The following DNAH14 variants were observed in gnomAD, a reference collection of about 807,000 sequenced individuals.
DNAH14 encodes the protein dynein axonemal heavy chain 14.
Under a neutral mutation model 520.9 loss-of-function variants are expected in DNAH14, and 478 were observed. The observed-to-expected ratio is 0.92, with a 90% CI of 0.85 to 0.99. The LOEUF (loss-of-function observed/expected upper bound fraction) is 0.99, where lower values mean the gene tolerates loss of function less well. Among genes scored for constraint, DNAH14 ranks in the 50% least tolerant of loss-of-function variants. DNAH14 has a pLI of 0.00. For missense variants in DNAH14, 4,831 were observed against 5,234.5 expected (o/e 0.92, Z 2.38); for synonymous variants, 1,581 against 1,757.2 (o/e 0.90, Z 2.51).
chr1:225,085,399 T>A lies in DNAH14; in HGVS notation c.3328-145T>A. On this transcript the variant is annotated intron_variant, in intron 20 of 85. Transcript: ENST00000682510. ...TGTCATGAAGGTTAGACCATGAAGT[T>A]GCTGGTAAGGATATAAACCTAACTG... is the stretch of plus-strand genomic sequence containing the variant. 8 of 706,220 alleles carry A rather than the reference T, an allele frequency of 1.1e-5. No homozygotes were observed. In the South Asian group the frequency reaches 1.6e-4, roughly 14 times the overall value. 43.7% of individuals were successfully genotyped at this position (706,220 alleles called of 1,614,324 possible). A position where few individuals can be genotyped will look rare whatever the true frequency, so the allele number is the denominator to read the frequency against.
chr1:225,152,940 G>A (rs2080646954), intron 33 of DNAH14, 57 bp downstream of exon 33: 2 of 1,509,426 alleles, frequency 1.3e-6, no homozygotes, highest in Non-Finnish European at 1.8e-6. Flanking sequence ...ATAACCTTAA[G>A]TAATACTTTT....
chr1:225,315,612 G>A (rs1430437171), intron 60 of DNAH14, among the ~76,000 whole-genome samples: 2 of 152,034 alleles, frequency 1.3e-5, no homozygotes, highest in Admixed American at 6.5e-5. Context: ...GGTGACCTTC[G>A]GATGGAGTTT....
At chr1:225,383,366 G>A (rs2095802666) in intron 81 of DNAH14, among the ~76,000 whole-genome samples, 1 of 152,170 alleles carries the variant, frequency 6.6e-6, no homozygotes, top group African/African-American at 2.4e-5. Context: ...GGATCTTAGG[G>A]AACCCCCACT....
At chr1:225,240,098 T>A (rs1472045520) in intron 42 of DNAH14, among the ~76,000 whole-genome samples, 1 of 152,106 alleles carries the variant, frequency 6.6e-6, no homozygotes, top group African/African-American at 2.4e-5. Flanking sequence ...TTGAGACAAA[T>A]ACAGGGTGAA....
At chr1:225,006,048 A>T (rs2064143239) in intron 9 of DNAH14, among the ~76,000 whole-genome samples, 1 of 152,212 alleles carries the variant, frequency 6.6e-6, no homozygotes, top group East Asian at 1.9e-4. Flanking sequence ...ATGGACATTT[A>T]TTAGTTCCCC....
Position 225,335,928 on chromosome 1 carries a change from T to C in DNAH14, c.10081-1338T>C, listed in dbSNP as rs1481680932. ...ATGCATGTATGTATATATGCACATA[T>C]ACCTATATATACATATATGTATATA... is the stretch of plus-strand genomic sequence containing the variant. On this transcript the variant is annotated intron_variant, in intron 66 of 85. Transcript: ENST00000682510. Among the ~76,000 whole-genome samples the C allele has an allele frequency of 7.4e-4, 100 of 134,942 alleles. 1 individual carries two copies. Among genetic ancestry groups the C allele is most frequent in the African/African-American group, 5.4e-5 (2 of 36,904 alleles). 88.5% of individuals were successfully genotyped at this position (134,942 alleles called of 152,430 possible).
intron 22 of DNAH14, among the ~76,000 whole-genome samples, chr1:225,099,114 A>G (rs1478919532): frequency 6.6e-6 from 1 of 152,192 alleles, no homozygotes; most frequent in Non-Finnish European, 1.5e-5. Flanking sequence ...AGGACATCCC[A>G]GAGATATTGG....
At chr1:225,335,897 A>G (rs906403606) in intron 66 of DNAH14, among the ~76,000 whole-genome samples, 6 of 142,520 alleles carry the variant, frequency 4.2e-5, no homozygotes, top group African/African-American at 1.6e-4. Flanking sequence ...ACATATACAT[A>G]CATATATGCA....
chr1:225,366,241 T>A (rs933908293), intron 76 of DNAH14, among the ~76,000 whole-genome samples: 1 of 152,206 alleles, frequency 6.6e-6, no homozygotes, highest in East Asian at 1.9e-4. Flanking sequence ...CAGGGAGATA[T>A]TAATCCAGAA....
intron 60 of DNAH14, among the ~76,000 whole-genome samples, chr1:225,312,600 T>C (rs1306749803): frequency 6.6e-6 from 1 of 152,218 alleles, no homozygotes; most frequent in Non-Finnish European, 1.5e-5. Flanking sequence ...ATAGCTCTTA[T>C]TATTTTAAGA....
chr1:225,164,438 G>C (rs2081847347), intron 35 of DNAH14, among the ~76,000 whole-genome samples: 2 of 151,908 alleles, frequency 1.3e-5, no homozygotes, highest in East Asian at 3.8e-4. Flanking sequence ...GATGGCCTTT[G>C]TTTTCTTATA....
chr1:224,982,479 T>TGCTGGG (rs1299851313), intron 8 of DNAH14, among the ~76,000 whole-genome samples: 1 of 152,192 alleles, frequency 6.6e-6, no homozygotes, highest in East Asian at 1.9e-4. Context: ...AAATACAACA[T>TGCTGGG]GCTGGGTTTG....
intron 84 of DNAH14, among the ~76,000 whole-genome samples, chr1:225,394,842 T>TAA (rs35980785): frequency 0.051 from 6,500 of 126,524 alleles, 154 homozygotes; most frequent in Middle Eastern, 0.07. Context: ...AGACTCTGTC[T>TAA]AAAAAAAAAA....
intron 8 of DNAH14, among the ~76,000 whole-genome samples, chr1:224,986,460 C>T (rs1037346343): frequency 7.2e-5 from 11 of 152,046 alleles, no homozygotes; most frequent in Admixed American, 4.6e-4. Context: ...GAATCTATCC[C>T]GGGGATGCAA....
intron 36 of DNAH14, among the ~76,000 whole-genome samples, chr1:225,169,112 A>G (rs186593142): frequency 6.6e-6 from 1 of 152,304 alleles, no homozygotes; most frequent in East Asian, 1.9e-4. Flanking sequence ...AAACTAACAA[A>G]CAGAAAGGAC....
intron 37 of DNAH14, among the ~76,000 whole-genome samples, chr1:225,189,877 T>C (rs1446976232): frequency 6.6e-6 from 1 of 151,964 alleles, no homozygotes; most frequent in Non-Finnish European, 1.5e-5. Context: ...AAAATTGCCT[T>C]TTGTGTTTGA....
At chr1:225,324,606 A>G (rs1253146855) in intron 63 of DNAH14, 131 bp from the exon 64 acceptor site, 3 of 932,312 alleles carry the variant, frequency 3.2e-6, no homozygotes, top group Non-Finnish European at 3.2e-6. Flanking sequence ...TTTGTACCCC[A>G]CATATACATA....
intron 36 of DNAH14, among the ~76,000 whole-genome samples, chr1:225,179,612 T>G (rs1316839486): frequency 6.6e-6 from 1 of 152,160 alleles, no homozygotes; most frequent in Non-Finnish European, 1.5e-5. Context: ...ATTTTTCTCT[T>G]TTAGTCTTCA....
intron 43 of DNAH14, among the ~76,000 whole-genome samples, chr1:225,247,700 A>G (rs1464915861): frequency 2.0e-5 from 3 of 152,256 alleles, no homozygotes; most frequent in Non-Finnish European, 4.4e-5. Context: ...GTTTTTATAG[A>G]GAAAAGACAA....
Sources: allele counts gnomAD v4.1 joint callset (sites outside exome capture counted in the v4.1 genomes callset), GRCh38; gene constraint gnomAD v4.1.1; transcripts MANE v1.5; gene names NCBI Gene and HGNC (gene_info 2026-07-23, HGNC 2026-07-21).